The following AUTS2 variants were observed in gnomAD, a reference collection of about 807,000 sequenced individuals.
AUTS2 encodes the protein activator of transcription and developmental regulator AUTS2.
A neutral mutation model predicts 112.4 loss-of-function variants in AUTS2; 17 were observed. The observed-to-expected ratio is 0.15, with a 90% CI of 0.10 to 0.23. AUTS2 has a LOEUF of 0.23. Among genes scored for constraint, AUTS2 ranks in the 10% least tolerant of loss-of-function variants. The pLI is 1.00. For missense variants in AUTS2, 1,510 were observed against 1,701.6 expected (o/e 0.89, Z 1.98); for synonymous variants, 751 against 702.7 (o/e 1.07, Z -1.09).
At chr7:70,101,077 C>G (rs1804464115) in intron 2 of AUTS2, among the ~76,000 whole-genome samples, 1 of 151,990 alleles carries the variant, frequency 6.6e-6, no homozygotes. Context: ...GGGGTTTCAC[C>G]ATGTTGGCCA....
At chr7:69,799,526 G>C (rs1234199776) in intron 1 of AUTS2, among the ~76,000 whole-genome samples, 2 of 152,170 alleles carry the variant, frequency 1.3e-5, no homozygotes, top group Non-Finnish European at 2.9e-5. Context: ...ATGGGTTCAT[G>C]AGCATGGGAC....
intron 5 of AUTS2, chr7:70,596,359 G>C (rs1803209094): frequency 6.6e-6 from 1 of 152,138 alleles, no homozygotes; most frequent in Non-Finnish European, 1.5e-5. Flanking sequence ...AAGTTTCCCC[G>C]GCACCTGCCA....
intron 4 of AUTS2, among the ~76,000 whole-genome samples, chr7:70,376,682 A>C (rs1431272923): frequency 1.3e-5 from 2 of 150,500 alleles, no homozygotes; most frequent in Non-Finnish European, 3.0e-5. Flanking sequence ...TGCAGGGGTA[A>C]ATGCTGTCTC....
intron 1 of AUTS2, among the ~76,000 whole-genome samples, chr7:69,780,556 A>C (rs888928831): frequency 1.3e-5 from 2 of 152,170 alleles, no homozygotes; most frequent in Non-Finnish European, 2.9e-5. Context: ...CGGGTAAAGA[A>C]ACCTGATCAG....
At chr7:70,652,286 A>T (rs1047976717) in intron 5 of AUTS2, among the ~76,000 whole-genome samples, 1 of 152,136 alleles carries the variant, frequency 6.6e-6, no homozygotes, top group Non-Finnish European at 1.5e-5. Flanking sequence ...ACAGCATAAT[A>T]CCCTGCCTTC....
chr7:69,714,044 A>G (rs1039854896), intron 1 of AUTS2, among the ~76,000 whole-genome samples: 2 of 151,856 alleles, frequency 1.3e-5, no homozygotes, highest in Non-Finnish European at 1.5e-5. Flanking sequence ...ATTTTGAATT[A>G]ATTTTTGTAT....
At chr7:69,674,385 C>T (rs756331536) in intron 1 of AUTS2, among the ~76,000 whole-genome samples, 2 of 152,072 alleles carry the variant, frequency 1.3e-5, no homozygotes, top group Non-Finnish European at 2.9e-5. Flanking sequence ...GATCTGGGTG[C>T]TGGTCTGACT....
chr7:70,062,469 C>T (rs572485824), intron 2 of AUTS2, among the ~76,000 whole-genome samples: 22 of 150,960 alleles, frequency 1.5e-4, no homozygotes, highest in African/African-American at 5.1e-4. Flanking sequence ...GCCAAGATCA[C>T]GCCACTGCAC....
intron 4 of AUTS2, among the ~76,000 whole-genome samples, chr7:70,381,923 G>A (rs192597100): frequency 6.6e-6 from 1 of 152,106 alleles, no homozygotes; most frequent in East Asian, 1.9e-4. Context: ...AGTGTATACC[G>A]TATACCAAGC....
At chr7:69,616,623 A>G (rs757726461) in intron 1 of AUTS2, among the ~76,000 whole-genome samples, 2 of 152,196 alleles carry the variant, frequency 1.3e-5, no homozygotes, top group Non-Finnish European at 2.9e-5. Context: ...TGTAGTTGCC[A>G]GTGAATAGTA....
rs1243854948 is a variant in AUTS2, at chr7:69,599,589, T to G, written c.-65T>G. On this transcript the variant is annotated 5_prime_UTR_variant, in exon 1 of 19. Transcript: ENST00000342771. The surrounding 1 kb of genome is among the most constrained non-coding windows in gnomAD (Gnocchi z 7.0). ...GGGAGGGAGGGCTCGGTGTCAATTT[T>G]TTTTTGTGTGGCTGCGGCCGTAGCC... The G allele has an allele frequency of 5.6e-6, 7 of 1,241,460 alleles. No individual in the cohort carries two copies. 76.9% of individuals were successfully genotyped at this position (1,241,460 alleles called of 1,614,324 possible). A position where few individuals can be genotyped will look rare whatever the true frequency, so the allele number is the denominator to read the frequency against.
At chr7:70,066,188 A>T (rs887547869) in intron 2 of AUTS2, among the ~76,000 whole-genome samples, 7 of 152,188 alleles carry the variant, frequency 4.6e-5, no homozygotes, top group South Asian at 2.1e-4. Flanking sequence ...TATCTTATAA[A>T]TTTTTATTTT....
chr7:69,863,572 A>G (rs772192331), intron 1 of AUTS2, among the ~76,000 whole-genome samples: 5 of 152,202 alleles, frequency 3.3e-5, no homozygotes, highest in Admixed American at 1.3e-4. Flanking sequence ...CATAGTCTCC[A>G]AAAGTTTTAT....
intron 1 of AUTS2, among the ~76,000 whole-genome samples, chr7:69,622,345 A>G (rs1443604971): frequency 6.6e-6 from 1 of 152,234 alleles, no homozygotes; most frequent in Non-Finnish European, 1.5e-5. Context: ...TAATATGGTT[A>G]TATCTAAAAC....
chr7:70,112,996 A>G (rs942829662), intron 2 of AUTS2, among the ~76,000 whole-genome samples: 2 of 152,034 alleles, frequency 1.3e-5, no homozygotes, highest in African/African-American at 4.8e-5. Context: ...TTTAACGTTT[A>G]AATTTTACTA....
intron 6 of AUTS2, among the ~76,000 whole-genome samples, chr7:70,734,575 G>T (rs947183280): frequency 1.3e-5 from 2 of 152,168 alleles, no homozygotes; most frequent in East Asian, 1.9e-4. Flanking sequence ...GCGTGCTTGT[G>T]GGGGCTGGCA....
intron 4 of AUTS2, chr7:70,292,987 A>G (rs1419538606): frequency 2.0e-4 from 31 of 152,284 alleles, no homozygotes; most frequent in Middle Eastern, 3.4e-3. Flanking sequence ...CATGCCCTCT[A>G]TCCCTGCTTT....
chr7:70,575,254 C>G (rs1190908978), intron 5 of AUTS2, among the ~76,000 whole-genome samples: 1 of 152,174 alleles, frequency 6.6e-6, no homozygotes, highest in Non-Finnish European at 1.5e-5. Flanking sequence ...CAGCCTGTGC[C>G]AATGTCCACT....
chr7:70,251,023 A>G (rs1267013890), intron 4 of AUTS2, among the ~76,000 whole-genome samples: 1 of 152,172 alleles, frequency 6.6e-6, no homozygotes, highest in Non-Finnish European at 1.5e-5. Flanking sequence ...AAAAATTAAA[A>G]AAGTATACAT....
Sources: gnomAD v4.1 joint callset for allele counts (sites outside exome capture counted in the v4.1 genomes callset) on GRCh38, gnomAD v4.1.1 for gene constraint, Gnocchi (gnomAD v3.1) non-coding constraint, MANE v1.5 for transcripts, NCBI Gene and HGNC (gene_info 2026-07-23, HGNC 2026-07-21) for gene names.